Variants in ARHGEF7 observed in about 807,000 individuals in gnomAD.
The protein encoded by ARHGEF7 is Rho guanine nucleotide exchange factor 7, also known as PAK-interacting exchange factor beta.
ARHGEF7 carries 33 observed loss-of-function variants against 109.8 expected under a neutral mutation model. The ratio of observed to expected loss-of-function variants is 0.30; its 90% CI spans 0.23 to 0.40. The LOEUF (loss-of-function observed/expected upper bound fraction) is 0.40. ARHGEF7 is among the 10% of genes least tolerant of loss of function. The probability of loss-of-function intolerance (pLI) is 1.00; values close to 1 mark genes in which losing one functional copy is unlikely to be tolerated. For synonymous variants in ARHGEF7, 458 were observed against 424.6 expected (o/e 1.08, Z -0.97); for missense variants, 938 against 1,098.5 (o/e 0.85, Z 2.07).
intron 2 of ARHGEF7, among the ~76,000 whole-genome samples, chr13:111,189,538 A>T (rs2079623894): frequency 6.6e-6 from 1 of 152,232 alleles, no homozygotes; most frequent in Non-Finnish European, 1.5e-5. Context: ...TTAACAGCTT[A>T]TAAAGGTAGT....
Position 111,209,863 on chromosome 13 carries a change from T to C in ARHGEF7, c.338-9T>C. The C allele has an allele frequency of 6.2e-7, 1 of 1,614,026 alleles. No individual in the cohort carries two copies. The highest frequency in any genetic ancestry group is 8.5e-7 in the Non-Finnish European group (1 of 1,179,930). ...CAGCTCTCTTTTTCTGTGTGCATGC[T>C]CTTTGCAGACATCGGGCTGGGGAGT... On this transcript the variant is annotated splice_polypyrimidine_tract_variant and intron_variant, in intron 3 of 21. Transcript: ENST00000646102.
At chr13:111,253,120 G>A (rs1222884784) in intron 8 of ARHGEF7, among the ~76,000 whole-genome samples, 2 of 152,254 alleles carry the variant, frequency 1.3e-5, no homozygotes, top group African/African-American at 2.4e-5. Context: ...AAGATAGTGA[G>A]TGCTCTCTCA....
intron 1 of ARHGEF7, among the ~76,000 whole-genome samples, chr13:111,141,410 G>A (rs2075341675): frequency 6.6e-6 from 1 of 151,686 alleles, no homozygotes; most frequent in Non-Finnish European, 1.5e-5. Context: ...TATTGCAAAG[G>A]CTACAGATGA....
At chr13:111,249,699 T>C (rs2089463301) in intron 8 of ARHGEF7, among the ~76,000 whole-genome samples, 1 of 152,024 alleles carries the variant, frequency 6.6e-6, no homozygotes, top group African/African-American at 2.4e-5. Context: ...TTAGGGCTAG[T>C]TTTTAGTGGG....
At chr13:111,122,799 T>C (rs1713870343) in intron 1 of ARHGEF7, 1 of 152,152 alleles carries the variant, frequency 6.6e-6, no homozygotes, top group Admixed American at 6.5e-5. Context: ...GATGAAGGAA[T>C]GTAGAGTCAT....
In ARHGEF7 at chr13:111,280,468, T is replaced by TG. The variant is rs201232291; in HGVS notation, c.1586-64dup. The TG allele has an allele frequency of 1.8e-3, 2,923 of 1,581,834 alleles. 42 individuals carry two copies. The African/African-American group carries it at 0.035, about 19-fold the overall frequency. On this transcript the variant is annotated intron_variant, in intron 14 of 21. Coordinates refer to ENST00000646102, the MANE Select transcript of ARHGEF7 (RefSeq NM_001354046.2). ...GGTGTTTAAGCGCTGAGTGGAATTC[T>TG]GGGGGGTGTGCACGCACGTGCTTTT...
chr13:111,127,648 G>GAAAAAAA (rs71206956), intron 1 of ARHGEF7, among the ~76,000 whole-genome samples: 1 of 40,042 alleles, frequency 2.5e-5, no homozygotes, highest in Non-Finnish European at 5.0e-5. Context: ...CTCTGTTTCA[G>GAAAAAAA]AAAAAAAAAA....
intron 6 of ARHGEF7, among the ~76,000 whole-genome samples, chr13:111,237,985 G>C (rs1355545098): frequency 6.6e-6 from 1 of 152,242 alleles, no homozygotes; most frequent in African/African-American, 2.4e-5. Flanking sequence ...GAGGAAGCCA[G>C]CGTGGAACAT....
intron 5 of ARHGEF7, 65 bp downstream of exon 5, chr13:111,217,945 G>C: frequency 1.4e-6 from 2 of 1,459,764 alleles, no homozygotes; most frequent in South Asian, 1.3e-5. Flanking sequence ...AAATGTACTT[G>C]ACATAGTGTT....
chr13:111,187,917 G>A (rs1440355188), intron 2 of ARHGEF7, among the ~76,000 whole-genome samples: 1 of 152,204 alleles, frequency 6.6e-6, no homozygotes, highest in Non-Finnish European at 1.5e-5. Flanking sequence ...TGGATCTGCT[G>A]GTGATTTTCA....
Position 111,277,663 on chromosome 13 carries a change from TTATC to T in ARHGEF7, c.1501_1504del (p.Tyr501ArgfsTer9). 6.3e-7 allele frequency: 1 copy of T among 1,590,486 alleles called. No individual in the cohort carries two copies. Among genetic ancestry groups the T allele is most frequent in the Non-Finnish European group, 8.6e-7 (1 of 1,158,854 alleles). ...TCTGCCAGTCCTAGGATGAGTGGCT[TTATC>T]TATCAGGTAAAACACAATTTAAATT... On this transcript the variant is annotated frameshift_variant, in exon 13 of 22. Transcript: ENST00000646102. LOFTEE classifies it high-confidence loss of function.
Position 111,204,031 on chromosome 13 carries a change from A to G in ARHGEF7, c.253-1258A>G, listed in dbSNP as rs1028815826. 5.3e-5 allele frequency among the ~76,000 whole-genome samples: 8 copies of G among 152,350 alleles called. No individual in the cohort carries two copies. The East Asian group carries it at 1.5e-3, about 29-fold the overall frequency. ...CTAGGGAGGCCTGTAGACATCCACC[A>G]TCAAACTATCATGACACGTGTTCTG... On this transcript the variant is annotated intron_variant, in intron 2 of 21. Transcript: ENST00000646102.
At chr13:111,133,793 ATATATATATATATAT>A (rs762818475) in intron 1 of ARHGEF7, among the ~76,000 whole-genome samples, 21,965 of 104,090 alleles carry the variant, frequency 0.21, 3,438 homozygotes, top group Middle Eastern at 0.29. Flanking sequence ...ATATATATAT[ATATATATATATATAT>A]ATATATTTAT....
At chr13:111,293,892 A>G in intron 19 of ARHGEF7, 1 of 985,428 alleles carries the variant, frequency 1.0e-6, no homozygotes, top group Non-Finnish European at 1.2e-6. Context: ...TCACAAGCCC[A>G]GAGCTGCCAG....
At position 111,239,117 on chromosome 13, in the gene ARHGEF7, G is replaced by A. The variant is rs976890394; in HGVS notation, c.760-4755G>A. Among the ~76,000 whole-genome samples, 1 of 152,024 alleles carries A rather than the reference G, an allele frequency of 6.6e-6. No individual in the cohort carries two copies. The stretch of plus-strand genomic sequence containing the variant: ...AGAACAGCATAGGGGAACGCGCTGC[G>A]TGCCCCTGCTCCCCCACACCCCCGT... On this transcript the variant is annotated intron_variant, in intron 6 of 21. Transcript: ENST00000646102. This position sits in a 1 kb window ranked among gnomAD's most constrained non-coding sequence, Gnocchi z 4.3.
intron 17 of ARHGEF7, among the ~76,000 whole-genome samples, chr13:111,287,749 G>A (rs1316683942): frequency 1.3e-5 from 2 of 152,232 alleles, no homozygotes; most frequent in Non-Finnish European, 2.9e-5. Flanking sequence ...AGTGCGCTGT[G>A]TGGGCCCAAG....
rs769811899 is a variant in ARHGEF7, at chr13:111,283,380, A to G, written c.1950+17A>G. 2 of 1,538,262 alleles carry G rather than the reference A, an allele frequency of 1.3e-6. No homozygotes were observed. Among genetic ancestry groups the G allele is most frequent in the Non-Finnish European group, 1.7e-6 (2 of 1,146,154 alleles). ...TACAAGGAGGTGAGGTCCCTTGACC[A>G]CTCAAACAGCCAGATGACGGTGAGC... On this transcript the variant is annotated intron_variant, in intron 16 of 21. Coordinates refer to ENST00000646102, the MANE Select transcript of ARHGEF7 (RefSeq NM_001354046.2).
chr13:111,165,459 C>T (rs1168090509), intron 2 of ARHGEF7, among the ~76,000 whole-genome samples: 3 of 152,132 alleles, frequency 2.0e-5, no homozygotes, highest in Non-Finnish European at 4.4e-5. Context: ...TGCAGTAAAG[C>T]AGTGAGGCTG....
chr13:111,153,773 T>C, intron 1 of ARHGEF7, 132 bp from the exon 2 acceptor site: 1 of 1,371,656 alleles, frequency 7.3e-7, no homozygotes, highest in Admixed American at 4.0e-5. Context: ...GCGGGCTCGC[T>C]CCAGGCCGTC....
Sources: allele counts gnomAD v4.1 joint callset (sites outside exome capture counted in the v4.1 genomes callset), GRCh38; gene constraint gnomAD v4.1.1; non-coding constraint Gnocchi (gnomAD v3.1); transcripts MANE v1.5; gene names NCBI Gene and HGNC (gene_info 2026-07-23, HGNC 2026-07-21).